Variants in DOCK8 observed in about 807,000 individuals in gnomAD.
DOCK8 encodes dedicator of cytokinesis protein 8.
DOCK8 carries 141 observed loss-of-function variants against 245.6 expected under a neutral mutation model. The ratio of observed to expected loss-of-function variants is 0.57; its 90% CI spans 0.50 to 0.66. The LOEUF is 0.66. Ranked by LOEUF, DOCK8 falls within the 30% of genes least tolerant of loss-of-function variation. The probability of loss-of-function intolerance (pLI) is 0.00; values close to 1 mark genes in which losing one functional copy is unlikely to be tolerated. For synonymous variants in DOCK8, 1,168 were observed against 970.2 expected, an observed-to-expected ratio of 1.20 and a Z score of -3.79; for missense variants, 2,965 against 2,603.4, an observed-to-expected ratio of 1.14 and a Z score of -3.02.
intron 26 of DOCK8, among the ~76,000 whole-genome samples, chr9:400,336 TCCTC>T (rs2054834562): frequency 1.0e-3 from 5 of 4,960 alleles, no homozygotes; most frequent in Admixed American, 2.6e-3. Context: ...CACCACCACC[TCCTC>T]CACCACCACC....
intron 2 of DOCK8, among the ~76,000 whole-genome samples, chr9:277,746 T>A (rs145830695): frequency 7.0e-4 from 107 of 152,228 alleles, no homozygotes; most frequent in African/African-American, 2.5e-3. Context: ...CCATAACGGC[T>A]CTGACTGAAG....
chr9:316,370 A>C (rs1189787685), intron 6 of DOCK8, among the ~76,000 whole-genome samples: 2 of 152,244 alleles, frequency 1.3e-5, no homozygotes, highest in Non-Finnish European at 2.9e-5. Flanking sequence ...TTAAGGTTAC[A>C]ATAGGGGCTT....
At position 428,495 on chromosome 9, in the gene DOCK8, A is replaced by G; in HGVS notation, c.4472A>G (p.Lys1491Arg). 6.2e-7 allele frequency: 1 copy of G among 1,614,198 alleles called. No homozygotes were observed. Among genetic ancestry groups the G allele is most frequent in the Non-Finnish European group, 8.5e-7 (1 of 1,180,038 alleles). ...CFATLRALIA[K>R]FGDLLFEEEV... ...GCAACACTCCGTGCTCTCATCGCCA[A>G]GGTAAACTTGGGATGCTTGTTTTCT... Residue 1491 changes from lysine (K) to arginine (R), a missense_variant and splice_region_variant, in exon 35 of 48, where the codon AAG (lysine) becomes AGG (arginine). Around this residue, in one of 3 missense-constraint regions of DOCK8, gnomAD observed 2,825 missense variants for 2,453.5 expected, o/e 1.15. Transcript: ENST00000432829.
intron 46 of DOCK8, chr9:454,203 A>G (rs1587113227): frequency 6.6e-6 from 1 of 152,350 alleles, no homozygotes; most frequent in East Asian, 1.9e-4. Context: ...GAGCCAGGAC[A>G]GTGGCCCTGC....
chr9:316,961 G>T, intron 6 of DOCK8, 82 bp from the exon 7 acceptor site: 3 of 1,100,510 alleles, frequency 2.7e-6, no homozygotes, highest in Non-Finnish European at 4.2e-6. Flanking sequence ...GTGGAGGGTA[G>T]CCTTCCCTTC....
Position 215,357 on chromosome 9 carries a change from G to T in DOCK8, c.53+328G>T, listed in dbSNP as rs149393618. The T allele has an allele frequency of 5.0e-6, 8 of 1,598,304 alleles. No individual in the cohort carries two copies. The African/African-American group carries it at 1.1e-4, about 22-fold the overall frequency. The stretch of plus-strand genomic sequence containing the variant: ...GCCGGGTCCCAGAAGGGTGATAGGC[G>T]CCTGGGTAACCGTGTTGGGCGCGCC... On this transcript the variant is annotated intron_variant, in intron 1 of 47. Transcript: ENST00000432829.
intron 2 of DOCK8, among the ~76,000 whole-genome samples, chr9:274,605 C>T (rs2048273825): frequency 6.6e-6 from 1 of 151,554 alleles, no homozygotes; most frequent in African/African-American, 2.4e-5. Context: ...AGTCATCGTC[C>T]CGAATGAAGG....
intron 46 of DOCK8, chr9:459,817 T>C (rs938582405): frequency 2.0e-5 from 3 of 152,468 alleles, no homozygotes; most frequent in South Asian, 2.1e-4. Flanking sequence ...TGGTCTCTCC[T>C]GCATGACAGC....
chr9:229,472 G>C (rs777267992), intron 1 of DOCK8, among the ~76,000 whole-genome samples: 7 of 152,160 alleles, frequency 4.6e-5, no homozygotes, highest in Admixed American at 1.3e-4. Flanking sequence ...TAATTACACT[G>C]ATGGACTCCA....
chr9:407,610 C>G (rs913017326), intron 28 of DOCK8, among the ~76,000 whole-genome samples: 1 of 141,678 alleles, frequency 7.1e-6, no homozygotes, highest in Admixed American at 7.1e-5. Flanking sequence ...GTGGCAGTAT[C>G]TAGCCTAGAA....
intron 16 of DOCK8, among the ~76,000 whole-genome samples, chr9:370,798 G>C (rs1202271461): frequency 6.6e-6 from 1 of 152,160 alleles, no homozygotes; most frequent in African/African-American, 2.4e-5. Flanking sequence ...GGAAGGGAGA[G>C]ACACCTGCAC....
intron 1 of DOCK8, among the ~76,000 whole-genome samples, chr9:218,752 A>G (rs1285811948): frequency 6.6e-6 from 1 of 152,258 alleles, no homozygotes; most frequent in Non-Finnish European, 1.5e-5. Flanking sequence ...AAAGAGGACG[A>G]AAGTGTAGAA....
In DOCK8 at chr9:434,821, T is replaced by C. The variant is rs753121935; in HGVS notation, c.4925T>C (p.Leu1642Pro). The C allele has an allele frequency of 6.2e-7, 1 of 1,614,182 alleles. No individual in the cohort carries two copies. The highest frequency in any genetic ancestry group is 1.1e-5 in the South Asian group (1 of 91,080). ...TACCAGGCATCTCCTGATCTGCGGC[T>C]GACCTGGCTCCAGAACATGGCAGAG... is the stretch of plus-strand genomic sequence containing the variant. Reference protein sequence around the residue: ...KSYQASPDLRLTWLQNMAEKH... With the variant: ...KSYQASPDLRPTWLQNMAEKH... Residue 1642 changes from leucine to proline, a missense_variant, in exon 39 of 48, where the codon CTG becomes CCG. This residue lies in a region of DOCK8 where 2,825 missense variants were observed against 2,453.5 expected (regional missense o/e 1.15). Transcript: ENST00000432829.
intron 45 of DOCK8, among the ~76,000 whole-genome samples, chr9:451,343 G>T (rs916430259): frequency 6.6e-6 from 1 of 151,260 alleles, no homozygotes; most frequent in African/African-American, 2.4e-5. Context: ...ATAAATTTGG[G>T]CTGTGTATGG....
chr9:440,908 A>AT (rs1036248210), intron 40 of DOCK8, among the ~76,000 whole-genome samples: 6 of 151,706 alleles, frequency 4.0e-5, no homozygotes, highest in African/African-American at 1.2e-4. Flanking sequence ...TGATTTTTTA[A>AT]TTTTTTTGCA....
At chr9:391,194 C>G (rs1220336577) in intron 24 of DOCK8, among the ~76,000 whole-genome samples, 1 of 152,216 alleles carries the variant, frequency 6.6e-6, no homozygotes, top group Non-Finnish European at 1.5e-5. Flanking sequence ...CTATTCTTCT[C>G]TGTAGATTTC....
chr9:409,560 T>C (rs2055613154), intron 28 of DOCK8, among the ~76,000 whole-genome samples: 1 of 152,338 alleles, frequency 6.6e-6, no homozygotes, highest in South Asian at 2.1e-4. Flanking sequence ...TATATATGTA[T>C]ATATTTTTTA....
In DOCK8 at chr9:461,968, CT is replaced by C. The variant is rs375510970; in HGVS notation, c.6069-1538del. The stretch of plus-strand genomic sequence containing the variant: ...GGATTTTATACCTTTTATTTATTTT[CT>C]TTTTTTTTTTCTAGTTACATGATTA... On this transcript the variant is annotated intron_variant, in intron 46 of 47. Transcript: ENST00000432829. 5.9e-3 allele frequency among the ~76,000 whole-genome samples: 843 copies of C among 143,866 alleles called. 5 individuals carry two copies. Among genetic ancestry groups the C allele is most frequent in the African/African-American group, 8.7e-3 (343 of 39,338 alleles). The allele number at this position is 143,866 out of a possible 152,430, so 94.4% of individuals were successfully genotyped here. A position where few individuals can be genotyped will look rare whatever the true frequency, so the allele number is the denominator to read the frequency against.
intron 14 of DOCK8, among the ~76,000 whole-genome samples, chr9:340,868 CAT>C (rs1450292057): frequency 6.6e-6 from 1 of 152,014 alleles, no homozygotes; most frequent in Non-Finnish European, 1.5e-5. Context: ...TTATAGTGGA[CAT>C]ATGTTTTCCA....
Sources: gnomAD v4.1 joint callset for allele counts (sites outside exome capture counted in the v4.1 genomes callset) on GRCh38, gnomAD v4.1.1 for gene constraint, gnomAD v4.1.1 regional missense constraint, MANE v1.5 for transcripts, NCBI Gene and HGNC (gene_info 2026-07-23, HGNC 2026-07-21) for gene names.